CCDC91: variants seen among roughly 807,000 people sequenced by gnomAD.
CCDC91 encodes the protein coiled-coil domain containing 91, also known as coiled-coil domain-containing protein 91.
In CCDC91, 48 loss-of-function variants were observed where a neutral mutation model predicts 63.2. That is an observed-to-expected ratio of 0.76 (90% CI 0.60 to 0.97). The LOEUF is 0.97. Among genes scored for constraint, CCDC91 ranks in the 50% least tolerant of loss-of-function variants. CCDC91 has a pLI of 0.00. For synonymous variants in CCDC91, 167 were observed against 165.8 expected, an observed-to-expected ratio of 1.01 and a Z score of -0.06; for missense variants, 500 against 494.6, an observed-to-expected ratio of 1.01 and a Z score of -0.10.
intron 6 of CCDC91, among the ~76,000 whole-genome samples, chr12:28,330,158 A>C (rs183126691): frequency 1.3e-5 from 2 of 152,142 alleles, no homozygotes; most frequent in African/African-American, 4.8e-5. Context: ...GTCAAATGCT[A>C]TTTCTAGTTC....
intron 12 of CCDC91, among the ~76,000 whole-genome samples, chr12:28,503,013 A>G (rs1938160086): frequency 1.3e-5 from 2 of 152,156 alleles, no homozygotes; most frequent in Non-Finnish European, 1.5e-5. Flanking sequence ...CATTCAGGAC[A>G]TAGGCATGGG....
intron 1 of CCDC91, among the ~76,000 whole-genome samples, chr12:28,250,014 C>G (rs895003577): frequency 7.2e-5 from 11 of 151,900 alleles, no homozygotes; most frequent in African/African-American, 2.7e-4. Context: ...GTGTAGACTA[C>G]TAAGATTATG....
At chr12:28,417,804 A>G (rs1384966266) in intron 8 of CCDC91, among the ~76,000 whole-genome samples, 1 of 152,070 alleles carries the variant, frequency 6.6e-6, no homozygotes, top group Non-Finnish European at 1.5e-5. Flanking sequence ...TATGGTCCCA[A>G]TGCCGTACAT....
At chr12:28,270,130 T>C (rs147275981) in intron 3 of CCDC91, among the ~76,000 whole-genome samples, 1 of 152,236 alleles carries the variant, frequency 6.6e-6, no homozygotes, top group African/African-American at 2.4e-5. Context: ...ATTTGTTTTT[T>C]TTGGAGTGAC....
intron 6 of CCDC91, among the ~76,000 whole-genome samples, chr12:28,318,557 T>C (rs1468817383): frequency 6.6e-6 from 1 of 151,842 alleles, no homozygotes; most frequent in Non-Finnish European, 1.5e-5. Context: ...AATTTCTTTT[T>C]CAATTATTTG....
intron 11 of CCDC91, among the ~76,000 whole-genome samples, chr12:28,454,513 T>A (rs539282294): frequency 3.0e-4 from 46 of 152,228 alleles, no homozygotes; most frequent in Admixed American, 1.5e-3. Context: ...TTTCCCTCCC[T>A]AGGGAGAGGC....
At chr12:28,515,218 G>T (rs903427681) in intron 12 of CCDC91, among the ~76,000 whole-genome samples, 2 of 151,852 alleles carry the variant, frequency 1.3e-5, no homozygotes. Flanking sequence ...TCTTATGGGG[G>T]ACTTCGGCAG....
intron 6 of CCDC91, among the ~76,000 whole-genome samples, chr12:28,315,285 C>G (rs952711623): frequency 2.0e-5 from 3 of 151,826 alleles, no homozygotes; most frequent in African/African-American, 7.3e-5. Context: ...TGTGCCTCAG[C>G]CTCTGAAGCA....
chr12:28,309,201 A>G lies in CCDC91; in HGVS notation c.576+1452A>G, dbSNP rs540536428. Among the ~76,000 whole-genome samples, 10 of 152,160 alleles carry G rather than the reference A, an allele frequency of 6.6e-5. No homozygotes were observed. In the South Asian group the frequency reaches 2.1e-3, roughly 32 times the overall value. ...AAAAACGCAGGCAGTGTGTCTTTTC[A>G]GTGCCTGTGATGACATTGTTTAATG... On this transcript the variant is annotated intron_variant, in intron 6 of 12. Transcript: ENST00000536442.
intron 8 of CCDC91, among the ~76,000 whole-genome samples, chr12:28,405,100 T>A (rs1286347560): frequency 6.6e-6 from 1 of 152,104 alleles, no homozygotes; most frequent in African/African-American, 2.4e-5. Flanking sequence ...TCTTTCATAC[T>A]TTTTCTACCT....
At chr12:28,365,133 A>G (rs999698099) in intron 7 of CCDC91, among the ~76,000 whole-genome samples, 16 of 152,192 alleles carry the variant, frequency 1.1e-4, no homozygotes, top group African/African-American at 3.9e-4. Context: ...TTCCTAATCC[A>G]TTTTAGCAAG....
chr12:28,424,159 G>T (rs1231177893), intron 8 of CCDC91, among the ~76,000 whole-genome samples: 3 of 151,930 alleles, frequency 2.0e-5, no homozygotes, highest in African/African-American at 7.3e-5. Context: ...CCAACTCCTG[G>T]CCTCAAGTGA....
At chr12:28,338,743 T>C (rs1185233612) in intron 6 of CCDC91, among the ~76,000 whole-genome samples, 1 of 152,054 alleles carries the variant, frequency 6.6e-6, no homozygotes, top group Non-Finnish European at 1.5e-5. Context: ...GCCATTGCCA[T>C]GTTCTGGGGA....
At chr12:28,266,109 A>G (rs972209562) in intron 3 of CCDC91, among the ~76,000 whole-genome samples, 5 of 152,032 alleles carry the variant, frequency 3.3e-5, no homozygotes, top group African/African-American at 1.2e-4. Flanking sequence ...AGCTTCTATA[A>G]AGCTGTGAAT....
chr12:28,529,189 CA>C (rs1305097498), intron 12 of CCDC91, among the ~76,000 whole-genome samples: 1 of 152,134 alleles, frequency 6.6e-6, no homozygotes, highest in Non-Finnish European at 1.5e-5. Flanking sequence ...ACAATTTTAA[CA>C]GACTGTTATT....
intron 8 of CCDC91, among the ~76,000 whole-genome samples, chr12:28,441,941 A>T (rs1362787625): frequency 6.6e-6 from 1 of 152,042 alleles, no homozygotes; most frequent in Non-Finnish European, 1.5e-5. Flanking sequence ...GTATTTTCAT[A>T]TATGTAAAAT....
rs76246033 is a variant in CCDC91 at position 28,422,519 on chromosome 12, G to A, written c.763-27642G>A. Among the ~76,000 whole-genome samples, 40 of 151,944 alleles carry A rather than the reference G, an allele frequency of 2.6e-4. No homozygotes were observed. In the East Asian group the frequency reaches 5.0e-3, roughly 19 times the overall value. On this transcript the variant is annotated intron_variant, in intron 8 of 12. Transcript: ENST00000536442. ...GAGTCTCATTCTCATAAAATAAGCCGAAAAAGTGTGCCTTGAGACCCTTTA... is the reference window on the plus strand; with the variant it reads ...GAGTCTCATTCTCATAAAATAAGCCAAAAAAGTGTGCCTTGAGACCCTTTA...
chr12:28,424,676 A>C (rs552801996), intron 8 of CCDC91, among the ~76,000 whole-genome samples: 3 of 152,232 alleles, frequency 2.0e-5, no homozygotes, highest in South Asian at 4.1e-4. Flanking sequence ...AATCCTGAAA[A>C]GCTTTTGGGT....
chr12:28,335,364 C>T (rs1176802390), intron 6 of CCDC91, among the ~76,000 whole-genome samples: 66 of 122,690 alleles, frequency 5.4e-4, no homozygotes, highest in African/African-American at 1.9e-3. Context: ...TATATATTCA[C>T]ATATAAAATA....
Sources: allele counts gnomAD v4.1 joint callset (sites outside exome capture counted in the v4.1 genomes callset), GRCh38; gene constraint gnomAD v4.1.1; transcripts MANE v1.5; gene names NCBI Gene and HGNC (gene_info 2026-07-23, HGNC 2026-07-21).